FYTTD1: variants seen among roughly 807,000 people sequenced by gnomAD.
FYTTD1 encodes the protein UAP56-interacting factor.
Under a neutral mutation model 40.9 loss-of-function variants are expected in FYTTD1, and 22 were observed. The observed-to-expected ratio is 0.54, with a 90% CI of 0.38 to 0.77. The LOEUF is 0.77. FYTTD1 is among the 30% of genes least tolerant of loss of function. The pLI, the probability that FYTTD1 is intolerant of heterozygous loss-of-function variation, is 0.00. For synonymous variants in FYTTD1, 140 were observed against 137.9 expected, an observed-to-expected ratio of 1.01 and a Z score of -0.10; for missense variants, 351 against 392.2, an observed-to-expected ratio of 0.90 and a Z score of 0.89.
intron 1 of FYTTD1, 28 bp downstream of exon 1, chr3:197,750,102 A>G: frequency 6.7e-7 from 1 of 1,497,042 alleles, no homozygotes; most frequent in Non-Finnish European, 9.1e-7. Context: ...ACCGAGTTGG[A>G]GTGCGGGGGA....
intron 2 of FYTTD1, among the ~76,000 whole-genome samples, chr3:197,759,993 A>G (rs1729328920): frequency 6.7e-6 from 1 of 148,960 alleles, no homozygotes; most frequent in South Asian, 2.1e-4. Context: ...CTTCAGTGGT[A>G]GAACATACGG....
At chr3:197,762,544 G>A (rs952173611) in intron 2 of FYTTD1, among the ~76,000 whole-genome samples, 13 of 149,998 alleles carry the variant, frequency 8.7e-5, no homozygotes, top group Admixed American at 8.0e-4. Flanking sequence ...AGCCGAGATC[G>A]CGTCACTGCA....
At chr3:197,778,911 G>A (rs1729948652) in intron 8 of FYTTD1, among the ~76,000 whole-genome samples, 1 of 152,180 alleles carries the variant, frequency 6.6e-6, no homozygotes, top group Admixed American at 6.5e-5. Flanking sequence ...CCTAGGAGTA[G>A]AATTGCTAGG....
chr3:197,755,611 AATTTATTT>A (rs10554264), intron 1 of FYTTD1: 7,545 of 201,110 alleles, frequency 0.038, 544 homozygotes, highest in African/African-American at 0.16. Context: ...ATACCCGGCT[AATTTATTT>A]ATTTATTTAT....
intron 1 of FYTTD1, among the ~76,000 whole-genome samples, chr3:197,753,495 A>G (rs541955350): frequency 1.3e-5 from 2 of 151,696 alleles, no homozygotes; most frequent in Non-Finnish European, 2.9e-5. Context: ...CTCTAGTGCT[A>G]TGGAAGAAAC....
intron 2 of FYTTD1, among the ~76,000 whole-genome samples, chr3:197,760,840 GTGTTCTTCAGTGGTAGAATGTATAGAAT>G (rs1481528966): frequency 5.3e-5 from 8 of 150,486 alleles, no homozygotes; most frequent in African/African-American, 7.3e-5. Flanking sequence ...AATGTGTAGA[GTGTTCTTCAGTGGTAGAATGTATAGAAT>G]TGTTCTTCAG....
Position 197,768,606 on chromosome 3 carries a change from C to A in FYTTD1, c.384+19C>A. The A allele has an allele frequency of 6.3e-7, 1 of 1,596,514 alleles. No homozygotes were observed. Among genetic ancestry groups the A allele is most frequent in the Admixed American group, 1.7e-5 (1 of 58,432 alleles). On this transcript the variant is annotated intron_variant, in intron 3 of 8. Transcript: ENST00000241502. The stretch of plus-strand genomic sequence containing the variant: ...TGACAAGGTAGGATGATGGCTTAAT[C>A]CTGGATTAGATATCCTTTTCCTTTA...
At chr3:197,766,467 CAG>C (rs935261629) in intron 2 of FYTTD1, among the ~76,000 whole-genome samples, 24 of 24,152 alleles carry the variant, frequency 9.9e-4, no homozygotes, top group African/African-American at 2.3e-3. Flanking sequence ...GTGTTTGAGA[CAG>C]GGTCTTGCTC....
intron 2 of FYTTD1, among the ~76,000 whole-genome samples, chr3:197,759,868 A>G (rs1729323181): frequency 6.6e-6 from 1 of 151,322 alleles, no homozygotes; most frequent in African/African-American, 2.4e-5. Context: ...TAGAACGAAT[A>G]GGGTGTTCTT....
chr3:197,762,088 C>T (rs138274957), intron 2 of FYTTD1, among the ~76,000 whole-genome samples: 2,076 of 152,254 alleles, frequency 0.014, 15 homozygotes, highest in Middle Eastern at 0.027. Context: ...TGGCTCCATC[C>T]TCATGACTTT....
intron 1 of FYTTD1, among the ~76,000 whole-genome samples, chr3:197,755,136 A>G (rs1230551421): frequency 6.6e-6 from 1 of 152,244 alleles, no homozygotes; most frequent in Non-Finnish European, 1.5e-5. Context: ...AGATCAGTGT[A>G]GAAAGAAAAA....
chr3:197,758,573 G>T (rs1466301445), intron 2 of FYTTD1, among the ~76,000 whole-genome samples: 2 of 152,210 alleles, frequency 1.3e-5, no homozygotes, highest in East Asian at 1.9e-4. Context: ...GGTGAAATAT[G>T]ATCTGGTCCA....
intron 2 of FYTTD1, among the ~76,000 whole-genome samples, chr3:197,759,622 G>A (rs1432535863): frequency 6.7e-6 from 1 of 149,740 alleles, no homozygotes; most frequent in Non-Finnish European, 1.5e-5. Flanking sequence ...AACGTATAGA[G>A]TTGTTCTTCA....
chr3:197,749,851 C>T, upstream of FYTTD1: 3 of 596,844 alleles, frequency 5.0e-6, no homozygotes, highest in Non-Finnish European at 8.0e-6. Flanking sequence ...GGGTGGAGAC[C>T]GAGGACGGCG....
At chr3:197,754,322 C>T (rs1729150753) in intron 1 of FYTTD1, among the ~76,000 whole-genome samples, 1 of 151,986 alleles carries the variant, frequency 6.6e-6, no homozygotes, top group African/African-American at 2.4e-5. Flanking sequence ...CTTTGATGAA[C>T]TTTTTCGTAG....
rs368452100 is a variant in FYTTD1 at position 197,766,503 on chromosome 3, T to G, written c.236-1936T>G. ...TCTGTCACCCCAGCCTGGAGTACAG[T>G]GTGATCTTGGCTCACTGTAACCTCT... On this transcript the variant is annotated intron_variant, in intron 2 of 8. Coordinates refer to ENST00000241502, the MANE Select transcript of FYTTD1 (RefSeq NM_032288.7). Among the ~76,000 whole-genome samples, 305 of 147,120 alleles carry G rather than the reference T, an allele frequency of 2.1e-3. 3 individuals carry two copies. The highest frequency in any genetic ancestry group is 3.0e-3 in the Non-Finnish European group (200 of 67,048).
chr3:197,759,890 T>C (rs1420604487), intron 2 of FYTTD1, among the ~76,000 whole-genome samples: 3 of 146,386 alleles, frequency 2.0e-5, no homozygotes, highest in African/African-American at 8.0e-5. Flanking sequence ...AGTGGTAGAA[T>C]GTATAGGGTG....
chr3:197,772,602 A>G (rs916443662), intron 4 of FYTTD1, among the ~76,000 whole-genome samples: 14 of 152,134 alleles, frequency 9.2e-5, no homozygotes, highest in African/African-American at 3.1e-4. Flanking sequence ...ATAGAAGAGT[A>G]TAAGTTTTTC....
In FYTTD1 at chr3:197,783,967, G is replaced by A. The variant is rs1304367136; in HGVS notation, c.*2058G>A. 1.3e-5 allele frequency: 2 copies of A among 151,214 alleles called. No homozygotes were observed. The highest frequency in any genetic ancestry group is 2.4e-5 in the African/African-American group (1 of 40,912). The allele number at this position is 151,214 out of a possible 1,614,324, so 9.4% of individuals were successfully genotyped here. ...TTTTAAGTATAATGTTTTGCCTTTGGTACAACTAAATTAAAACTCTTGGTG... is the reference window on the plus strand; with the variant it reads ...TTTTAAGTATAATGTTTTGCCTTTGATACAACTAAATTAAAACTCTTGGTG... On this transcript the variant is annotated 3_prime_UTR_variant, in exon 9 of 9. Transcript: ENST00000241502.
Sources: allele counts gnomAD v4.1 joint callset (sites outside exome capture counted in the v4.1 genomes callset), GRCh38; gene constraint gnomAD v4.1.1; transcripts MANE v1.5; gene names NCBI Gene and HGNC (gene_info 2026-07-23, HGNC 2026-07-21).